Variants in FOXP1 observed in about 807,000 individuals in gnomAD.
FOXP1 encodes forkhead box P1.
FOXP1 carries 15 observed loss-of-function variants against 98.2 expected under a neutral mutation model. The observed-to-expected ratio is 0.15, with a 90% CI of 0.10 to 0.24. The LOEUF is 0.24. Among genes scored for constraint, FOXP1 ranks in the 10% least tolerant of loss-of-function variants. The probability of loss-of-function intolerance (pLI) is 1.00; values close to 1 mark genes in which losing one functional copy is unlikely to be tolerated. For missense variants in FOXP1, 633 were observed against 848.5 expected, an observed-to-expected ratio of 0.75 and a Z score of 3.15; for synonymous variants, 371 against 314.5, an observed-to-expected ratio of 1.18 and a Z score of -1.90.
chr3:71,417,485 A>T (rs2083303592), intron 3 of FOXP1, among the ~76,000 whole-genome samples: 1 of 152,208 alleles, frequency 6.6e-6, no homozygotes, highest in South Asian at 2.1e-4. Context: ...TAAGGATGGC[A>T]GAGATGAAAT....
At chr3:71,009,609 A>G (rs905144048) in intron 12 of FOXP1, among the ~76,000 whole-genome samples, 4 of 152,122 alleles carry the variant, frequency 2.6e-5, no homozygotes, top group Non-Finnish European at 4.4e-5. Flanking sequence ...CCTAGGTAGA[A>G]GGTTGGAAAT....
chr3:71,572,803 T>C (rs2047437757), intron 2 of FOXP1: 1 of 152,240 alleles, frequency 6.6e-6, no homozygotes, highest in Admixed American at 6.5e-5. Flanking sequence ...GGGTGCTCAC[T>C]GATTTACTCT....
intron 2 of FOXP1, among the ~76,000 whole-genome samples, chr3:71,544,844 A>T (rs1251818903): frequency 1.1e-4 from 4 of 35,544 alleles, no homozygotes; most frequent in Non-Finnish European, 3.1e-4. Flanking sequence ...GAAAGATAAT[A>T]GGGCTTTTTT....
At chr3:71,391,848 G>A (rs993452237) in intron 3 of FOXP1, among the ~76,000 whole-genome samples, 3 of 152,164 alleles carry the variant, frequency 2.0e-5, no homozygotes, top group Non-Finnish European at 4.4e-5. Flanking sequence ...CTCTCTCTCT[G>A]TGCTGGGGGA....
At chr3:71,475,641 G>A (rs867148954) in intron 3 of FOXP1, among the ~76,000 whole-genome samples, 8 of 152,086 alleles carry the variant, frequency 5.3e-5, no homozygotes, top group Admixed American at 1.3e-4. Flanking sequence ...TCAGGAGTTC[G>A]AGACCAGCCT....
chr3:71,496,705 G>T (rs2091439593), intron 2 of FOXP1, among the ~76,000 whole-genome samples: 1 of 152,042 alleles, frequency 6.6e-6, no homozygotes, highest in African/African-American at 2.4e-5. Flanking sequence ...TACTAGGGAG[G>T]CTGAGGCAGA....
chr3:71,421,690 C>T (rs930535022), intron 3 of FOXP1, among the ~76,000 whole-genome samples: 1 of 152,170 alleles, frequency 6.6e-6, no homozygotes, highest in African/African-American at 2.4e-5. Context: ...GTCTCAGGAC[C>T]TCCTGACCAA....
At chr3:71,254,170 T>C (rs1308621389) in intron 5 of FOXP1, among the ~76,000 whole-genome samples, 1 of 152,214 alleles carries the variant, frequency 6.6e-6, no homozygotes, top group Non-Finnish European at 1.5e-5. Context: ...TAAGTTACTC[T>C]GGGTATTTTC....
chr3:71,469,016 C>T (rs938814234), intron 3 of FOXP1, among the ~76,000 whole-genome samples: 2 of 152,106 alleles, frequency 1.3e-5, no homozygotes, highest in African/African-American at 2.4e-5. Flanking sequence ...GCAATTCCAC[C>T]GGCGCTGGGT....
At chr3:71,492,798 G>A (rs751940552) in intron 3 of FOXP1, among the ~76,000 whole-genome samples, 1 of 152,134 alleles carries the variant, frequency 6.6e-6, no homozygotes, top group Non-Finnish European at 1.5e-5. Context: ...TACTACAGGG[G>A]AGTCATTGAT....
chr3:71,336,886 G>A (rs1312702408), intron 4 of FOXP1, among the ~76,000 whole-genome samples: 2 of 152,170 alleles, frequency 1.3e-5, no homozygotes, highest in Non-Finnish European at 2.9e-5. Context: ...GAAGGCAGAG[G>A]GACATGTTGA....
At chr3:71,014,908 G>GC (rs2044217298) in intron 12 of FOXP1, among the ~76,000 whole-genome samples, 1 of 151,544 alleles carries the variant, frequency 6.6e-6, no homozygotes, top group African/African-American at 2.4e-5. Flanking sequence ...ACCAAACACC[G>GC]CATGTTCTCA....
chr3:71,099,941 T>C (rs1213702975), intron 7 of FOXP1, among the ~76,000 whole-genome samples: 1 of 152,190 alleles, frequency 6.6e-6, no homozygotes, highest in Non-Finnish European at 1.5e-5. Context: ...ATTTGCCCAG[T>C]CTCATTTAAG....
At chr3:71,535,687 A>G (rs967485458) in intron 2 of FOXP1, among the ~76,000 whole-genome samples, 6 of 152,184 alleles carry the variant, frequency 3.9e-5, no homozygotes, top group Admixed American at 2.6e-4. Flanking sequence ...TCGCACCACT[A>G]CACTCCAGAC....
chr3:71,198,070 TGACA>T (rs750845464), intron 6 of FOXP1, 128 bp downstream of exon 6: 16 of 1,614,158 alleles, frequency 9.9e-6, no homozygotes, highest in East Asian at 6.7e-5. Context: ...GAGATGCCAC[TGACA>T]GACAGAAAGA....
At chr3:71,312,085 A>G (rs1276983365) in intron 4 of FOXP1, among the ~76,000 whole-genome samples, 1 of 152,226 alleles carries the variant, frequency 6.6e-6, no homozygotes, top group Non-Finnish European at 1.5e-5. Flanking sequence ...TATGTTAATA[A>G]TAACTATAAA....
chr3:71,433,668 A>G (rs1263736502), intron 3 of FOXP1, among the ~76,000 whole-genome samples: 1 of 152,186 alleles, frequency 6.6e-6, no homozygotes, highest in Non-Finnish European at 1.5e-5. Context: ...CCCTGGTGAG[A>G]TAAGTTCTCC....
intron 5 of FOXP1, among the ~76,000 whole-genome samples, chr3:71,208,657 C>T (rs2064230045): frequency 6.6e-6 from 1 of 151,870 alleles, no homozygotes; most frequent in Admixed American, 6.6e-5. Flanking sequence ...GTACAGTAAA[C>T]AAGGGGCCCA....
At chr3:71,190,374 G>T (rs1445755192) in intron 6 of FOXP1, among the ~76,000 whole-genome samples, 1 of 151,940 alleles carries the variant, frequency 6.6e-6, no homozygotes, top group African/African-American at 2.4e-5. Context: ...ACTTTGGGAG[G>T]CTGAGGCAGG....
Sources: allele counts gnomAD v4.1 joint callset (sites outside exome capture counted in the v4.1 genomes callset), GRCh38; gene constraint gnomAD v4.1.1; transcripts MANE v1.5; gene names NCBI Gene and HGNC (gene_info 2026-07-23, HGNC 2026-07-21).